The following FRMD6 variants were observed in gnomAD, a reference collection of about 807,000 sequenced individuals.
FRMD6 encodes FERM domain containing 6, also known as FERM domain-containing protein 6.
In FRMD6, 37 loss-of-function variants were observed where a neutral mutation model predicts 73.2. That is an observed-to-expected ratio of 0.51 (90% CI 0.39 to 0.66). The LOEUF is 0.66. Among genes scored for constraint, FRMD6 ranks in the 30% least tolerant of loss-of-function variants. FRMD6 has a pLI of 0.00. For missense variants in FRMD6, 714 were observed against 780.5 expected (o/e 0.91, Z 1.02); for synonymous variants, 273 against 282.2 (o/e 0.97, Z 0.33).
intron 1 of FRMD6, among the ~76,000 whole-genome samples, chr14:51,549,692 TTC>T (rs931889532): frequency 7.3e-6 from 1 of 136,436 alleles, no homozygotes; most frequent in African/African-American, 2.8e-5. Context: ...GCCCCCCAGG[TTC>T]ACGCCATTCT....
intron 1 of FRMD6, among the ~76,000 whole-genome samples, chr14:51,687,560 A>G (rs1895254839): frequency 6.6e-6 from 1 of 152,152 alleles, no homozygotes; most frequent in Non-Finnish European, 1.5e-5. Flanking sequence ...CCTTGGGGGA[A>G]AAAAGTATTG....
chr14:51,550,554 C>T (rs1207351678), intron 1 of FRMD6, among the ~76,000 whole-genome samples: 1 of 149,104 alleles, frequency 6.7e-6, no homozygotes, highest in African/African-American at 2.5e-5. Context: ...CAGTGCCAGC[C>T]TCATCAGAGG....
At chr14:51,468,480 A>T in the FRMD6 span, among the ~76,000 whole-genome samples, 1 of 152,238 alleles carries the variant, frequency 6.6e-6, no homozygotes, top group African/African-American at 2.4e-5. Flanking sequence ...AAATTCACTT[A>T]TTTTTTCTAA....
Position 51,505,957 on chromosome 14 carries a change from A to G in FRMD6, c.-210+16537A>G, listed in dbSNP as rs1173350654. ...CCTCTTCCATATTACTGCCAAAATT[A>G]ACCATCTGAACACAAATCTGATCAC... On this transcript the variant is annotated intron_variant, in intron 1 of 14. Coordinates refer to the FRMD6 transcript ENST00000356218. 2.6e-5 allele frequency among the ~76,000 whole-genome samples: 4 copies of G among 152,108 alleles called. 1 individual carries two copies. In the East Asian group the frequency reaches 7.7e-4, roughly 29 times the overall value.
intron 2 of FRMD6, among the ~76,000 whole-genome samples, chr14:51,596,063 G>A (rs982670194): frequency 6.6e-6 from 1 of 152,152 alleles, no homozygotes; most frequent in Admixed American, 6.5e-5. Context: ...CAGAACTAAT[G>A]TTCCCACTGA....
At chr14:51,627,142 T>C (rs1891147973) in intron 2 of FRMD6, among the ~76,000 whole-genome samples, 1 of 152,224 alleles carries the variant, frequency 6.6e-6, no homozygotes, top group Admixed American at 6.5e-5. Context: ...CATGAGATAG[T>C]GAATTCTCCC....
chr14:51,629,680 A>AT (rs1326668092), intron 2 of FRMD6, among the ~76,000 whole-genome samples: 1 of 152,234 alleles, frequency 6.6e-6, no homozygotes, highest in Admixed American at 6.5e-5. Flanking sequence ...ATTATAATAA[A>AT]TAAAAAAGAA....
At chr14:51,658,502 A>G (rs1033254110) in intron 1 of FRMD6, among the ~76,000 whole-genome samples, 1 of 152,186 alleles carries the variant, frequency 6.6e-6, no homozygotes. Context: ...TTCATCCTTA[A>G]GAAAATGTTT....
chr14:51,539,123 C>T (rs1886067345), intron 1 of FRMD6, among the ~76,000 whole-genome samples: 2 of 152,034 alleles, frequency 1.3e-5, no homozygotes, highest in African/African-American at 4.8e-5. Flanking sequence ...TTTCTGAATT[C>T]CACCGTTTTT....
intron 1 of FRMD6, among the ~76,000 whole-genome samples, chr14:51,680,222 C>T (rs1347981526): frequency 1.3e-5 from 2 of 152,312 alleles, no homozygotes; most frequent in East Asian, 1.9e-4. Context: ...GGCAGCAGCA[C>T]AGGCCCAGGC....
chr14:51,403,464 G>T, the FRMD6 span, among the ~76,000 whole-genome samples: 21 of 152,038 alleles, frequency 1.4e-4, no homozygotes, highest in African/African-American at 4.8e-4. Context: ...GCAGTGGCAC[G>T]ATCATGTCTC....
At chr14:51,570,982 T>C (rs1888105247) in intron 2 of FRMD6, among the ~76,000 whole-genome samples, 1 of 152,236 alleles carries the variant, frequency 6.6e-6, no homozygotes, top group Non-Finnish European at 1.5e-5. Flanking sequence ...ATGATTTATA[T>C]CCCTTGTTAG....
At chr14:51,400,816 T>C in the FRMD6 span, among the ~76,000 whole-genome samples, 1 of 152,126 alleles carries the variant, frequency 6.6e-6, no homozygotes, top group Non-Finnish European at 1.5e-5. Flanking sequence ...GAATGGAGAG[T>C]TATGGCTAAT....
At position 51,720,215 on chromosome 14, in the gene FRMD6, G is replaced by A. The variant is rs377317569; in HGVS notation, c.1185G>A (p.Ser395=). 34 of 1,613,872 alleles carry A rather than the reference G, an allele frequency of 2.1e-5. No homozygotes were observed. The highest frequency in any genetic ancestry group is 8.0e-5 in the African/African-American group (6 of 74,890). The change falls in exon 11 of 14, where the codon TCG becomes TCA. Residue 395 remains serine (S), a synonymous_variant. Transcript: ENST00000344768. ...STASHSSSHT[S]GIEADTKPRD... is the part of the protein sequence containing the mutation. ...CCAGCCACAGCAGTTCCCACACCTC[G>A]GGCATTGAGGCAGACACCAAGCCCC...
the FRMD6 span, among the ~76,000 whole-genome samples, chr14:51,433,920 G>A: frequency 6.6e-6 from 1 of 152,176 alleles, no homozygotes; most frequent in South Asian, 2.1e-4. Flanking sequence ...AAAGACTACT[G>A]TATGCAAGTA....
At position 51,729,004 on chromosome 14, in the gene FRMD6, C is replaced by G. The variant is rs958480853; in HGVS notation, c.*975C>G. 2.0e-5 allele frequency: 3 copies of G among 152,106 alleles called. No homozygotes were observed. Among genetic ancestry groups the G allele is most frequent in the Non-Finnish European group, 4.4e-5 (3 of 68,010 alleles). The allele number at this position is 152,106 out of a possible 1,614,324, so 9.4% of individuals were successfully genotyped here. On this transcript the variant is annotated 3_prime_UTR_variant, in exon 14 of 14. Transcript: ENST00000344768. ...TCTTCATTTTGGCTTCCATGACTAT[C>G]TTTTATACATGGAATTCCTTAAGAT...
intron 1 of FRMD6, among the ~76,000 whole-genome samples, chr14:51,665,078 C>A (rs1456829811): frequency 6.6e-6 from 1 of 152,190 alleles, no homozygotes; most frequent in Non-Finnish European, 1.5e-5. Context: ...GCCTGTGGCC[C>A]ACCAACAAGT....
At chr14:51,641,168 A>G (rs1321873833) in intron 2 of FRMD6, among the ~76,000 whole-genome samples, 1 of 151,998 alleles carries the variant, frequency 6.6e-6, no homozygotes, top group East Asian at 1.9e-4. Context: ...TTTAGTAGAG[A>G]GGGGGTTTCC....
At chr14:51,543,846 C>T (rs190621766) in intron 1 of FRMD6, among the ~76,000 whole-genome samples, 7 of 151,960 alleles carry the variant, frequency 4.6e-5, no homozygotes, top group Admixed American at 2.0e-4. Flanking sequence ...AAGCGTGGAC[C>T]GAACTAGAAT....
Sources: gnomAD v4.1 joint callset for allele counts (sites outside exome capture counted in the v4.1 genomes callset) on GRCh38, gnomAD v4.1.1 for gene constraint, MANE v1.5 for transcripts, NCBI Gene and HGNC (gene_info 2026-07-23, HGNC 2026-07-21) for gene names.